The following MARCHF1 variants were observed in gnomAD, a reference collection of about 807,000 sequenced individuals.
The protein encoded by MARCHF1 is E3 ubiquitin-protein ligase MARCHF1.
In MARCHF1, 40 loss-of-function variants were observed where a neutral mutation model predicts 54.2. The observed-to-expected ratio is 0.74, with a 90% CI of 0.57 to 0.96. MARCHF1 has a LOEUF of 0.96. Ranked by LOEUF, MARCHF1 falls within the 40% of genes least tolerant of loss-of-function variation. MARCHF1 has a pLI of 0.00. For synonymous variants in MARCHF1, 236 were observed against 236.3 expected (o/e 1.00, Z 0.01); for missense variants, 586 against 656.5 (o/e 0.89, Z 1.17).
In MARCHF1 at chr4:164,132,386, A is replaced by G. The variant is rs571096554; in HGVS notation, c.-322-20724T>C. 2.6e-5 allele frequency among the ~76,000 whole-genome samples: 4 copies of G among 152,220 alleles called. No homozygotes were observed. The East Asian group carries it at 7.7e-4, about 29-fold the overall frequency. ...TCATTTAACCTTTCCTCTGTCTTCTATATTCTCTTTAATTAAATGTAGATG... is the reference window on the plus strand; with the variant it reads ...TCATTTAACCTTTCCTCTGTCTTCTGTATTCTCTTTAATTAAATGTAGATG... On this transcript the variant is annotated intron_variant, in intron 1 of 9. Transcript: ENST00000514618.
chr4:164,333,694 C>T (rs903704495), intron 1 of MARCHF1, among the ~76,000 whole-genome samples: 1 of 152,180 alleles, frequency 6.6e-6, no homozygotes, highest in Non-Finnish European at 1.5e-5. Context: ...ACAATGGCCT[C>T]TAAGTGTTTA....
At chr4:163,900,876 A>G (rs1750925015) in intron 3 of MARCHF1, among the ~76,000 whole-genome samples, 1 of 152,200 alleles carries the variant, frequency 6.6e-6, no homozygotes. Context: ...TGACATAAAT[A>G]TTAATATATC....
At chr4:164,011,549 A>G (rs1753421442) in intron 2 of MARCHF1, among the ~76,000 whole-genome samples, 5 of 152,218 alleles carry the variant, frequency 3.3e-5, no homozygotes, top group Admixed American at 3.3e-4. Flanking sequence ...GAGAAACACA[A>G]GTGAGAACGA....
At chr4:164,059,319 T>C (rs532020189) in intron 2 of MARCHF1, among the ~76,000 whole-genome samples, 18 of 152,272 alleles carry the variant, frequency 1.2e-4, no homozygotes. Context: ...CCAAGAGCGT[T>C]CCAATGTGTA....
At chr4:163,841,404 C>G (rs902125397) in intron 4 of MARCHF1, among the ~76,000 whole-genome samples, 13 of 151,614 alleles carry the variant, frequency 8.6e-5, no homozygotes, top group African/African-American at 3.2e-4. Context: ...ACCTTTTGCT[C>G]AGTATTGCTA....
intron 2 of MARCHF1, among the ~76,000 whole-genome samples, chr4:164,025,738 C>T (rs1311489574): frequency 6.7e-6 from 1 of 149,862 alleles, no homozygotes; most frequent in Non-Finnish European, 1.5e-5. Flanking sequence ...TAGAGAGGAA[C>T]TGAATTAAAT....
chr4:164,086,368 C>A (rs927317183), intron 2 of MARCHF1, among the ~76,000 whole-genome samples: 1 of 151,672 alleles, frequency 6.6e-6, no homozygotes, highest in Non-Finnish European at 1.5e-5. Context: ...ACTTTTGTTT[C>A]AAAAATATAA....
chr4:164,052,715 T>C (rs931643351), intron 2 of MARCHF1, among the ~76,000 whole-genome samples: 4 of 152,158 alleles, frequency 2.6e-5, no homozygotes, highest in Non-Finnish European at 5.9e-5. Flanking sequence ...ACTGATGCAA[T>C]TTGAGCTCAT....
intron 3 of MARCHF1, among the ~76,000 whole-genome samples, chr4:163,863,829 G>A (rs1749993534): frequency 6.6e-6 from 1 of 151,846 alleles, no homozygotes; most frequent in African/African-American, 2.4e-5. Flanking sequence ...TAGAAAGTAA[G>A]GAAATGCTTA....
At chr4:163,950,683 C>G (rs2110780441) in intron 3 of MARCHF1, among the ~76,000 whole-genome samples, 1 of 152,346 alleles carries the variant, frequency 6.6e-6, no homozygotes, top group African/African-American at 2.4e-5. Context: ...ATGGCAGCGG[C>G]TGCTCCAGAT....
chr4:164,170,958 A>G (rs1730509505), intron 1 of MARCHF1, among the ~76,000 whole-genome samples: 1 of 152,126 alleles, frequency 6.6e-6, no homozygotes, highest in Admixed American at 6.5e-5. Context: ...AAAGGCATCA[A>G]AGAAAATCTG....
intron 4 of MARCHF1, among the ~76,000 whole-genome samples, chr4:163,784,418 C>T (rs1220294855): frequency 2.0e-5 from 3 of 152,164 alleles, no homozygotes; most frequent in Admixed American, 6.5e-5. Flanking sequence ...ATCTGGATAT[C>T]GTCTGGTGTT....
intron 2 of MARCHF1, among the ~76,000 whole-genome samples, chr4:164,080,500 T>C (rs1047441269): frequency 6.6e-6 from 1 of 152,120 alleles, no homozygotes; most frequent in Non-Finnish European, 1.5e-5. Flanking sequence ...AAATAGAGCA[T>C]AGACTTTCAC....
At chr4:164,266,769 G>T (rs1733621467) in intron 1 of MARCHF1, among the ~76,000 whole-genome samples, 1 of 152,046 alleles carries the variant, frequency 6.6e-6, no homozygotes, top group South Asian at 2.1e-4. Flanking sequence ...AATGTTTTTT[G>T]ACCTTATACA....
intron 3 of MARCHF1, among the ~76,000 whole-genome samples, chr4:163,903,440 T>C (rs547338318): frequency 2.5e-4 from 38 of 152,174 alleles, no homozygotes; most frequent in Non-Finnish European, 4.7e-4. Flanking sequence ...CATAGAGATT[T>C]TCTGTTGTAG....
chr4:163,883,687 A>G (rs1750469602), intron 3 of MARCHF1, among the ~76,000 whole-genome samples: 2 of 152,180 alleles, frequency 1.3e-5, no homozygotes, highest in East Asian at 1.9e-4. Flanking sequence ...GTATGACTCA[A>G]ATGTTGCATG....
chr4:164,298,642 C>T (rs979286180), intron 1 of MARCHF1, among the ~76,000 whole-genome samples: 24 of 152,084 alleles, frequency 1.6e-4, no homozygotes, highest in African/African-American at 5.1e-4. Context: ...AGACTACACT[C>T]AACTCCTACC....
chr4:163,666,669 G>C (rs1268579969), intron 5 of MARCHF1, among the ~76,000 whole-genome samples: 1 of 151,850 alleles, frequency 6.6e-6, no homozygotes, highest in Non-Finnish European at 1.5e-5. Context: ...GGAACAGTAG[G>C]ATCAGACAGA....
At chr4:164,025,200 C>T (rs563053518) in intron 2 of MARCHF1, among the ~76,000 whole-genome samples, 10 of 151,966 alleles carry the variant, frequency 6.6e-5, no homozygotes, top group Non-Finnish European at 1.5e-4. Flanking sequence ...AGAAAACTAA[C>T]AAAAAAATTC....
Sources: allele counts gnomAD v4.1 joint callset (sites outside exome capture counted in the v4.1 genomes callset), GRCh38; gene constraint gnomAD v4.1.1; transcripts MANE v1.5; gene names NCBI Gene and HGNC (gene_info 2026-07-23, HGNC 2026-07-21).